The following UBN1 variants were observed in gnomAD, a reference collection of about 807,000 sequenced individuals.
UBN1 encodes the protein ubinuclein-1.
Under a neutral mutation model 108.5 loss-of-function variants are expected in UBN1, and 17 were observed. The ratio of observed to expected loss-of-function variants is 0.16; its 90% confidence interval spans 0.11 to 0.24. UBN1 has a LOEUF of 0.24. Ranked by LOEUF, UBN1 falls within the 10% of genes least tolerant of loss-of-function variation. The pLI is 1.00. For synonymous variants in UBN1, 726 were observed against 564.2 expected (o/e 1.29, Z -4.07); for missense variants, 1,595 against 1,394.4 (o/e 1.14, Z -2.29).
In UBN1 at chr16:4,874,566, C is replaced by T. The variant is rs200541080; in HGVS notation, c.2156C>T (p.Ala719Val). The T allele has an allele frequency of 7.2e-5, 117 of 1,614,080 alleles. No individual in the cohort carries two copies. Among genetic ancestry groups the T allele is most frequent in the Non-Finnish European group, 9.0e-5 (106 of 1,180,040 alleles). Residue 719 changes from alanine (A) to valine (V), a missense_variant, in exon 15 of 18, where the codon GCG (alanine) becomes GTG (valine). Physicochemically the swap from Ala to Val is moderately conservative, Grantham distance 64. Coordinates refer to ENST00000262376, the MANE Select transcript of UBN1 (RefSeq NM_001079514.3). ...VLCTEEKRNF[A>V]KPSPSAPPPA... Reference sequence around the variant, plus strand: ...TGTACAGAAGAAAAAAGGAACTTTGCGAAGCCTAGTCCTTCTGCTCCACCA... The same window carrying T: ...TGTACAGAAGAAAAAAGGAACTTTGTGAAGCCTAGTCCTTCTGCTCCACCA...
chr16:4,852,482 G>C (rs1267735930), intron 1 of UBN1: 1 of 157,804 alleles, frequency 6.3e-6, no homozygotes, highest in East Asian at 1.9e-4. Flanking sequence ...GGCTCCCAAT[G>C]ATAGGAAACT....
chr16:4,872,626 G>T (rs565888154), intron 12 of UBN1, among the ~76,000 whole-genome samples: 3 of 152,130 alleles, frequency 2.0e-5, no homozygotes, highest in Non-Finnish European at 4.4e-5. Flanking sequence ...GCGCCACCAC[G>T]CCTGGCTAAT....
chr16:4,860,085 T>A, intron 6 of UBN1, 117 bp downstream of exon 6: 1 of 1,346,686 alleles, frequency 7.4e-7, no homozygotes. Flanking sequence ...CTGGCCTTCC[T>A]GTCCTCCCGC....
rs143954303 is a variant in UBN1, at chr16:4,874,333, C to T, written c.1923C>T (p.Leu641=). 16,337 of 1,614,182 alleles carry T rather than the reference C, an allele frequency of 0.01. 114 individuals are homozygous for T. The highest frequency in any genetic ancestry group is 0.011 in the Non-Finnish European group (13,341 of 1,180,050). The part of the protein sequence containing the change: ...GLSIGASSRE[L]PSQASGGLAN... ...GTATTGGGGCCTCGAGCAGGGAGCT[C>T]CCATCCCAGGCATCGGGCGGCCTTG... The change falls in exon 15 of 18, where the codon CTC becomes CTT. Residue 641 remains leucine, a synonymous_variant. Coordinates refer to ENST00000262376, the MANE Select transcript of UBN1 (RefSeq NM_001079514.3).
chr16:4,872,082 C>A, intron 12 of UBN1: 1 of 583,944 alleles, frequency 1.7e-6, no homozygotes, highest in Non-Finnish European at 2.2e-6. Flanking sequence ...TTGTGTCATA[C>A]ATGGGACAGA....
intron 15 of UBN1, among the ~76,000 whole-genome samples, chr16:4,876,467 A>G (rs1011404127): frequency 6.6e-6 from 1 of 152,102 alleles, no homozygotes; most frequent in Non-Finnish European, 1.5e-5. Context: ...ATAAATATAT[A>G]TACACATATA....
intron 7 of UBN1, among the ~76,000 whole-genome samples, chr16:4,863,978 G>A (rs116576548): frequency 0.011 from 1,651 of 152,076 alleles, 30 homozygotes; most frequent in African/African-American, 0.037. Context: ...CACAAGAGCC[G>A]CCCAGATCCA....
In UBN1 at chr16:4,874,572, C is replaced by G. The variant is rs1052133206; in HGVS notation, c.2162C>G (p.Pro721Arg). The G allele has an allele frequency of 3.7e-6, 6 of 1,614,128 alleles. No homozygotes were observed. Among genetic ancestry groups the G allele is most frequent in the South Asian group, 1.1e-5 (1 of 91,092 alleles). Reference sequence around the variant, plus strand: ...GAAGAAAAAAGGAACTTTGCGAAGCCTAGTCCTTCTGCTCCACCACCAGCT... The same window carrying G: ...GAAGAAAAAAGGAACTTTGCGAAGCGTAGTCCTTCTGCTCCACCACCAGCT... Reference protein sequence around the residue: ...CTEEKRNFAKPSPSAPPPASS... With the variant: ...CTEEKRNFAKRSPSAPPPASS... The change falls in exon 15 of 18, where the codon CCT (proline) becomes CGT (arginine). Residue 721 changes from proline to arginine, a missense_variant. This residue lies in a region of UBN1 where 1,398 missense variants were observed against 1,194.7 expected (regional missense o/e 1.17). Transcript: ENST00000262376.
chr16:4,868,935 C>T (rs770823282), intron 8 of UBN1, 32 bp downstream of exon 8: 2 of 1,607,738 alleles, frequency 1.2e-6, no homozygotes, highest in South Asian at 1.1e-5. Context: ...GTCTGTCTGT[C>T]TGTTTCTGCT....
At chr16:4,857,358 A>G (rs529718575) in intron 2 of UBN1, among the ~76,000 whole-genome samples, 2,552 of 151,726 alleles carry the variant, frequency 0.017, 63 homozygotes, top group African/African-American at 0.058. Flanking sequence ...TCTCAAAAAA[A>G]AAAAAAAAAA....
Position 4,858,028 on chromosome 16 carries a change from G to A in UBN1, c.288G>A (p.Lys96=), listed in dbSNP as rs200008182. The change falls in exon 3 of 18, where the codon AAG becomes AAA. Residue 96 remains lysine (K), a synonymous_variant. Transcript: ENST00000262376. ...CAGATCCTTTCAATGACGAAGAAAA[G>A]GAAAGGCATAAAGTAGAGGCCCTTG... is the stretch of plus-strand genomic sequence containing the variant. The part of the protein sequence containing the change: ...DLSDPFNDEE[K]ERHKVEALAR... 2.5e-6 allele frequency: 4 copies of A among 1,613,312 alleles called. No individual in the cohort carries two copies. Among genetic ancestry groups the A allele is most frequent in the African/African-American group, 2.7e-5 (2 of 74,996 alleles).
chr16:4,881,814 AAAG>A lies in UBN1; in HGVS notation c.*1687_*1689del, dbSNP rs1472299089. On this transcript the variant is annotated 3_prime_UTR_variant, in exon 18 of 18. Coordinates refer to ENST00000262376, the MANE Select transcript of UBN1 (RefSeq NM_001079514.3). The stretch of plus-strand genomic sequence containing the variant: ...AGTCTTAGGTAGTAGCAAAAGAGCC[AAAG>A]AAGAGATTTGTATTGCTGAGCTCAA... 1.3e-5 allele frequency: 2 copies of A among 152,314 alleles called. No homozygotes were observed. Among genetic ancestry groups the A allele is most frequent in the African/African-American group, 4.8e-5 (2 of 41,346 alleles). The allele number at this position is 152,314 out of a possible 1,614,324, so 9.4% of individuals were successfully genotyped here. A position where few individuals can be genotyped will look rare whatever the true frequency, so the allele number is the denominator to read the frequency against.
At chr16:4,867,309 C>T (rs1293958567) in intron 7 of UBN1, among the ~76,000 whole-genome samples, 1 of 152,190 alleles carries the variant, frequency 6.6e-6, no homozygotes, top group Non-Finnish European at 1.5e-5. Flanking sequence ...CCTTGAACAA[C>T]ACAGGGTTTA....
chr16:4,867,133 G>C (rs2087373242), intron 7 of UBN1, among the ~76,000 whole-genome samples: 1 of 152,216 alleles, frequency 6.6e-6, no homozygotes, highest in Non-Finnish European at 1.5e-5. Context: ...TTGATACCAG[G>C]CTTGGAAAGA....
rs756034775 is a variant in UBN1, at chr16:4,870,979, C to G, written c.1559+7C>G. 1.2e-6 allele frequency: 2 copies of G among 1,613,920 alleles called. No individual in the cohort carries two copies. The highest frequency in any genetic ancestry group is 1.7e-5 in the Admixed American group (1 of 60,006). On this transcript the variant is annotated splice_region_variant and intron_variant, in intron 11 of 17. Transcript: ENST00000262376. The stretch of plus-strand genomic sequence containing the variant: ...AATGGAATGATGAGATCAGGTGTGC[C>G]CACACTGGGACTTGGCCTCTTTGGA...
rs1410961251 is a variant in UBN1, at chr16:4,854,656, G to A, written c.249+1490G>A. On this transcript the variant is annotated intron_variant, in intron 2 of 17. Transcript: ENST00000262376. ...GTTAGGATTATAGGCGTGAGTCACC[G>A]CACCTGGCCGTGTTTTTGTATTTTA... 2.6e-5 allele frequency among the ~76,000 whole-genome samples: 4 copies of A among 151,752 alleles called. No individual in the cohort carries two copies. In the East Asian group the frequency reaches 7.7e-4, roughly 29 times the overall value.
chr16:4,855,606 CAAAAA>C (rs36072146), intron 2 of UBN1, among the ~76,000 whole-genome samples: 7 of 80,230 alleles, frequency 8.7e-5, no homozygotes, highest in Admixed American at 1.4e-4. Flanking sequence ...GACCCTGTGT[CAAAAA>C]AAAAAAAAAA....
intron 7 of UBN1, among the ~76,000 whole-genome samples, chr16:4,863,339 C>T (rs576698635): frequency 2.8e-4 from 42 of 152,212 alleles, no homozygotes; most frequent in Admixed American, 5.2e-4. Context: ...ACTTGGAGTC[C>T]CTGCATGTGT....
chr16:4,880,040 A>G (rs771389670), intron 17 of UBN1, 43 bp from the exon 18 acceptor site: 5 of 1,609,114 alleles, frequency 3.1e-6, no homozygotes, highest in Admixed American at 1.7e-5. Context: ...GAAATCAGAG[A>G]GCATGAAAAA....
Sources: allele counts gnomAD v4.1 joint callset (sites outside exome capture counted in the v4.1 genomes callset), GRCh38; gene constraint gnomAD v4.1.1; regional missense constraint gnomAD v4.1.1; transcripts MANE v1.5; gene names NCBI Gene and HGNC (gene_info 2026-07-23, HGNC 2026-07-21).